Variants in SLC35F4 observed in about 807,000 individuals in gnomAD.
SLC35F4 encodes solute carrier family 35 member F4.
Under a neutral mutation model 44.2 loss-of-function variants are expected in SLC35F4, and 24 were observed. The ratio of observed to expected loss-of-function variants is 0.54; its 90% CI spans 0.39 to 0.76. The LOEUF (loss-of-function observed/expected upper bound fraction) is 0.76, where lower values mean the gene tolerates loss of function less well. Among genes scored for constraint, SLC35F4 ranks in the 30% least tolerant of loss-of-function variants. The pLI, the probability that SLC35F4 is intolerant of heterozygous loss-of-function variation, is 0.00. For missense variants in SLC35F4, 562 were observed against 586.1 expected, an observed-to-expected ratio of 0.96 and a Z score of 0.42; for synonymous variants, 238 against 223.6, an observed-to-expected ratio of 1.06 and a Z score of -0.57.
At chr14:57,719,637 C>T (rs1026944623) in intron 1 of SLC35F4, among the ~76,000 whole-genome samples, 2 of 150,836 alleles carry the variant, frequency 1.3e-5, no homozygotes, top group South Asian at 4.2e-4. Context: ...TAAAGAAATG[C>T]TACTGATTTT....
intron 1 of SLC35F4, among the ~76,000 whole-genome samples, chr14:57,903,589 G>T (rs1056866069): frequency 6.6e-6 from 1 of 152,136 alleles, no homozygotes; most frequent in Non-Finnish European, 1.5e-5. Flanking sequence ...CATCAGATAT[G>T]AAGAAGGCAG....
At chr14:57,582,757 CTTTTCCAGTTTT>C (rs1487576826) in intron 3 of SLC35F4, among the ~76,000 whole-genome samples, 4 of 152,174 alleles carry the variant, frequency 2.6e-5, no homozygotes, top group African/African-American at 9.7e-5. Flanking sequence ...GTACTAGTTT[CTTTTCCAGTTTT>C]AACTGAAATT....
chr14:57,960,667 T>A (rs1163690049), intron 1 of SLC35F4, among the ~76,000 whole-genome samples: 2 of 152,194 alleles, frequency 1.3e-5, no homozygotes, highest in Admixed American at 1.3e-4. Flanking sequence ...TTTATTTATG[T>A]TGATGTTGAT....
intron 1 of SLC35F4, among the ~76,000 whole-genome samples, chr14:57,608,556 T>C (rs537580989): frequency 7.9e-5 from 12 of 152,246 alleles, no homozygotes; most frequent in African/African-American, 2.9e-4. Context: ...TACCTTGACC[T>C]TGGACTTCCA....
At chr14:57,696,572 A>AAAT (rs2075389345) in intron 1 of SLC35F4, among the ~76,000 whole-genome samples, 1 of 152,246 alleles carries the variant, frequency 6.6e-6, no homozygotes, top group Non-Finnish European at 1.5e-5. Context: ...CTGGGCATAT[A>AAAT]CCCAAAGGAT....
At chr14:57,887,722 AG>A (rs569099877) in intron 1 of SLC35F4, among the ~76,000 whole-genome samples, 166 of 152,306 alleles carry the variant, frequency 1.1e-3, no homozygotes, top group African/African-American at 3.8e-3. Context: ...AAAGTGTCAG[AG>A]GCAAGGTAAG....
intron 1 of SLC35F4, among the ~76,000 whole-genome samples, chr14:57,875,871 A>G (rs757007464): frequency 2.0e-5 from 3 of 152,230 alleles, no homozygotes; most frequent in South Asian, 4.1e-4. Flanking sequence ...ATCAATGCCA[A>G]TGTTGTTAAG....
chr14:57,703,489 G>A (rs1279502645), intron 1 of SLC35F4, among the ~76,000 whole-genome samples: 1 of 152,144 alleles, frequency 6.6e-6, no homozygotes, highest in Non-Finnish European at 1.5e-5. Flanking sequence ...CATCACCTAC[G>A]CTGTCCAAAG....
At chr14:57,679,602 G>T (rs914819881) in intron 1 of SLC35F4, among the ~76,000 whole-genome samples, 1 of 151,798 alleles carries the variant, frequency 6.6e-6, no homozygotes, top group Non-Finnish European at 1.5e-5. Flanking sequence ...TTTTTCAAAA[G>T]ATTAACAAAA....
At chr14:57,950,345 T>C (rs537629927) in intron 1 of SLC35F4, among the ~76,000 whole-genome samples, 2 of 152,246 alleles carry the variant, frequency 1.3e-5, no homozygotes, top group African/African-American at 4.8e-5. Context: ...CATTTTGTAT[T>C]TCTTTACGTG....
At chr14:57,839,977 C>A (rs987741545) in intron 1 of SLC35F4, among the ~76,000 whole-genome samples, 2 of 152,160 alleles carry the variant, frequency 1.3e-5, no homozygotes, top group Non-Finnish European at 2.9e-5. Flanking sequence ...CTTCTACAAG[C>A]AATCCAGATG....
chr14:57,846,348 T>C (rs1886020654), intron 1 of SLC35F4, among the ~76,000 whole-genome samples: 1 of 152,174 alleles, frequency 6.6e-6, no homozygotes, highest in Admixed American at 6.5e-5. Flanking sequence ...CAAGGATAAA[T>C]TTCCATGTTG....
chr14:57,894,536 G>C (rs1888834014), intron 1 of SLC35F4, among the ~76,000 whole-genome samples: 1 of 151,954 alleles, frequency 6.6e-6, no homozygotes. Flanking sequence ...ATAACAAAAA[G>C]CTATGTAATA....
intron 1 of SLC35F4, among the ~76,000 whole-genome samples, chr14:57,962,050 G>T (rs778250110): frequency 2.0e-5 from 3 of 152,180 alleles, no homozygotes; most frequent in Non-Finnish European, 2.9e-5. Context: ...AATAATAAAT[G>T]ATTTTACAGG....
At chr14:57,607,895 G>T (rs1402199945) in intron 1 of SLC35F4, among the ~76,000 whole-genome samples, 1 of 152,136 alleles carries the variant, frequency 6.6e-6, no homozygotes, top group East Asian at 1.9e-4. Flanking sequence ...ATTGAACATG[G>T]GTGTAGAAAT....
intron 1 of SLC35F4, among the ~76,000 whole-genome samples, chr14:57,683,371 A>C (rs1318252219): frequency 6.6e-6 from 1 of 152,254 alleles, no homozygotes; most frequent in Non-Finnish European, 1.5e-5. Flanking sequence ...TGAAAGCAAG[A>C]GAAGACACTT....
chr14:57,746,089 G>A (rs1168231668), intron 1 of SLC35F4, among the ~76,000 whole-genome samples: 2 of 152,074 alleles, frequency 1.3e-5, no homozygotes, highest in South Asian at 4.2e-4. Context: ...GTCATGGAGT[G>A]GGGGGCAGGG....
intron 1 of SLC35F4, among the ~76,000 whole-genome samples, chr14:57,610,543 A>G (rs2071432701): frequency 6.6e-6 from 1 of 152,178 alleles, no homozygotes; most frequent in East Asian, 1.9e-4. Context: ...AAACTCTATA[A>G]CCACAGAATC....
intron 1 of SLC35F4, among the ~76,000 whole-genome samples, chr14:57,877,753 C>T (rs10139875): frequency 3.5e-4 from 44 of 126,776 alleles, no homozygotes; most frequent in African/African-American, 1.3e-3. Flanking sequence ...TGGCAGATCT[C>T]AGCTCACTGC....
Sources: gnomAD v4.1 joint callset for allele counts (sites outside exome capture counted in the v4.1 genomes callset) on GRCh38, gnomAD v4.1.1 for gene constraint, MANE v1.5 for transcripts, NCBI Gene and HGNC (gene_info 2026-07-23, HGNC 2026-07-21) for gene names.